Variants in SHC4 observed in about 807,000 individuals in gnomAD.
SHC4 encodes SHC adaptor protein 4.
A neutral mutation model predicts 69.4 loss-of-function variants in SHC4; 41 were observed. The observed-to-expected ratio is 0.59, with a 90% CI of 0.46 to 0.77. The LOEUF is 0.77. Ranked by LOEUF, SHC4 falls within the 30% of genes least tolerant of loss-of-function variation. The pLI is 0.00. For synonymous variants in SHC4, 318 were observed against 299.3 expected (o/e 1.06, Z -0.64); for missense variants, 777 against 783.8 (o/e 0.99, Z 0.10).
chr15:48,957,890 A>G (rs1901480532), intron 1 of SHC4, among the ~76,000 whole-genome samples: 1 of 152,258 alleles, frequency 6.6e-6, no homozygotes, highest in African/African-American at 2.4e-5. Context: ...ATGCATGTGA[A>G]GACAGAGGCA....
chr15:48,878,185 A>T (rs1251223429), intron 4 of SHC4: 1 of 1,554,960 alleles, frequency 6.4e-7, no homozygotes, highest in South Asian at 1.2e-5. Context: ...CAATGTCGGA[A>T]ATGGCTGAGT....
At chr15:48,902,479 C>T (rs1411164936) in intron 2 of SHC4, among the ~76,000 whole-genome samples, 2 of 152,136 alleles carry the variant, frequency 1.3e-5, no homozygotes, top group Non-Finnish European at 2.9e-5. Flanking sequence ...GTCATCAAAA[C>T]AAAGTGTAAC....
chr15:48,957,019 C>T (rs1356940604), intron 1 of SHC4, among the ~76,000 whole-genome samples: 2 of 136,122 alleles, frequency 1.5e-5, no homozygotes, highest in Non-Finnish European at 3.0e-5. Flanking sequence ...GCTCTGTCGC[C>T]CAGGCTGCAG....
In SHC4 at chr15:48,824,653, G is replaced by GACA. The variant is rs1190610107; in HGVS notation, c.*1317_*1318insTGT. ...CTTAATTTTTTACCTTAACTATACA[G>GACA]ACTGGTTATCAATAACGACCTCTAA... On this transcript the variant is annotated 3_prime_UTR_variant, in exon 12 of 12. Transcript: ENST00000332408. 1 of 152,126 alleles carries GACA rather than the reference G, an allele frequency of 6.6e-6. No homozygotes were observed. The highest frequency in any genetic ancestry group is 1.5e-5 in the Non-Finnish European group (1 of 68,032). 9.4% of individuals were successfully genotyped at this position (152,126 alleles called of 1,614,324 possible).
chr15:48,874,872 T>C (rs537273644), intron 4 of SHC4, among the ~76,000 whole-genome samples: 2 of 152,324 alleles, frequency 1.3e-5, no homozygotes, highest in East Asian at 3.9e-4. Flanking sequence ...CCGACTATTT[T>C]AGTTTGTTCC....
At chr15:48,923,424 C>T (rs1447270407) in intron 2 of SHC4, among the ~76,000 whole-genome samples, 3 of 151,634 alleles carry the variant, frequency 2.0e-5, no homozygotes, top group African/African-American at 7.3e-5. Context: ...GTGGCGGGCA[C>T]CTGTAGTCCC....
In SHC4 at chr15:48,843,460, C is replaced by A. The variant is rs549162246; in HGVS notation, c.1432G>T (p.Ala478Ser). The A allele has an allele frequency of 1.9e-6, 3 of 1,614,050 alleles. No homozygotes were observed. The South Asian group carries it at 3.3e-5, about 18-fold the overall frequency. The change falls in exon 10 of 12, where the codon GCT becomes TCT. Residue 478 changes from alanine (A) to serine (S), a missense_variant. By Grantham distance (99) the Ala-to-Ser change is moderately conservative. Transcript: ENST00000332408. Reference protein sequence around the residue: ...TQALQSTPGSAGNQRSAQPLG... With the variant: ...TQALQSTPGSSGNQRSAQPLG... ...GGTTGGGCTGACCTTTGATTTCCAGCAGAGCCAGGTGTACTTTGAAGAGCC... is the reference window on the plus strand; with the variant it reads ...GGTTGGGCTGACCTTTGATTTCCAGAAGAGCCAGGTGTACTTTGAAGAGCC...
chr15:48,852,262 G>A (rs772786525), intron 8 of SHC4, among the ~76,000 whole-genome samples: 2 of 152,204 alleles, frequency 1.3e-5, no homozygotes, highest in Non-Finnish European at 2.9e-5. Flanking sequence ...GAGTGCTAAT[G>A]TGGTGGTAGG....
At chr15:48,884,508 G>T in intron 3 of SHC4, 141 bp from the exon 4 acceptor site, 1 of 708,558 alleles carries the variant, frequency 1.4e-6, no homozygotes, top group Non-Finnish European at 2.0e-6. Context: ...AAATGAAAGG[G>T]AATGGTTTTT....
chr15:48,856,019 C>G lies in SHC4; in HGVS notation c.1176G>C (p.Arg392=). 1 of 1,613,878 alleles carries G rather than the reference C, an allele frequency of 6.2e-7. No individual in the cohort carries two copies. The change falls in exon 8 of 12, where the codon CGG becomes CGC. Residue 392 remains arginine, a synonymous_variant. Transcript: ENST00000332408. The part of the protein sequence containing the change: ...QPPVGGVSDM[R]IKVQATEQMA... ...TTTGTTCCGTGGCTTGAACTTTGATCCGCATATCTGAAACACCACCTACTG... is the reference window on the plus strand; with the variant it reads ...TTTGTTCCGTGGCTTGAACTTTGATGCGCATATCTGAAACACCACCTACTG...
intron 6 of SHC4, 63 bp from the exon 7 acceptor site, chr15:48,857,878 A>G (rs1422140149): frequency 6.0e-6 from 8 of 1,337,256 alleles, no homozygotes; most frequent in Non-Finnish European, 7.9e-6. Context: ...GATTACATAA[A>G]ATCAGAGTAC....
At chr15:48,883,140 C>T (rs1899974507) in intron 4 of SHC4, among the ~76,000 whole-genome samples, 3 of 152,012 alleles carry the variant, frequency 2.0e-5, no homozygotes, top group African/African-American at 7.3e-5. Flanking sequence ...TATGCACTTC[C>T]TATTAAGTAC....
chr15:48,962,456 C>T lies in SHC4; in HGVS notation c.560G>A (p.Gly187Glu). The change falls in exon 1 of 12, where the codon GGG becomes GAG. Residue 187 changes from glycine to glutamate, a missense_variant. Gly to Glu is a moderately conservative substitution (Grantham distance 98). Coordinates refer to ENST00000332408, the MANE Select transcript of SHC4 (RefSeq NM_203349.4). ...QDRHFLQHLL[G>E]MGMNYCVRYM... Reference sequence around the variant, plus strand: ...CCTCACACAGTAGTTCATGCCCATCCCCAACAGGTGCTGTAGAAAGTGCCT... The same window carrying T: ...CCTCACACAGTAGTTCATGCCCATCTCCAACAGGTGCTGTAGAAAGTGCCT... 1.3e-6 allele frequency: 2 copies of T among 1,523,586 alleles called. No homozygotes were observed. The highest frequency in any genetic ancestry group is 2.6e-5 in the South Asian group (2 of 75,654). The allele number at this position is 1,523,586 out of a possible 1,614,324, so 94.4% of individuals were successfully genotyped here.
chr15:48,932,967 T>C (rs941922498), intron 1 of SHC4, among the ~76,000 whole-genome samples: 1 of 152,130 alleles, frequency 6.6e-6, no homozygotes, highest in Non-Finnish European at 1.5e-5. Flanking sequence ...AAAAATCACA[T>C]TAAGGACTTA....
At chr15:48,867,734 C>A in intron 6 of SHC4, 84 bp downstream of exon 6, 1 of 1,164,390 alleles carries the variant, frequency 8.6e-7, no homozygotes, top group South Asian at 1.3e-5. Flanking sequence ...AGTCATCACT[C>A]TGTACATTGA....
At chr15:48,878,742 T>C (rs945380637) in intron 4 of SHC4, 1 of 1,606,034 alleles carries the variant, frequency 6.2e-7, no homozygotes. Context: ...AGAGAGTAGT[T>C]AGATGCTGTT....
chr15:48,919,058 C>T (rs894520815), intron 2 of SHC4, among the ~76,000 whole-genome samples: 1 of 145,046 alleles, frequency 6.9e-6, no homozygotes, highest in Non-Finnish European at 1.5e-5. Flanking sequence ...GATGTCTGGC[C>T]CTGGCACTTG....
At chr15:48,900,557 C>A (rs1034172280) in intron 2 of SHC4, among the ~76,000 whole-genome samples, 33 of 151,514 alleles carry the variant, frequency 2.2e-4, no homozygotes, top group African/African-American at 8.0e-4. Context: ...TACCAGAGGG[C>A]ACATGGAGGT....
At chr15:48,941,714 C>T (rs1276123311) in intron 1 of SHC4, among the ~76,000 whole-genome samples, 1 of 152,086 alleles carries the variant, frequency 6.6e-6, no homozygotes, top group Admixed American at 6.5e-5. Context: ...GATACAGTTG[C>T]CCTTTTCACA....
Sources: allele counts gnomAD v4.1 joint callset (sites outside exome capture counted in the v4.1 genomes callset), GRCh38; gene constraint gnomAD v4.1.1; transcripts MANE v1.5; gene names NCBI Gene and HGNC (gene_info 2026-07-23, HGNC 2026-07-21).